CDH20: variants seen among roughly 807,000 people sequenced by gnomAD.
CDH20 encodes the protein cadherin 20, also known as cadherin-20.
CDH20 carries 29 observed loss-of-function variants against 74.2 expected under a neutral mutation model. The ratio of observed to expected loss-of-function variants is 0.39; its 90% CI spans 0.29 to 0.53. The LOEUF (loss-of-function observed/expected upper bound fraction) is 0.53. CDH20 is among the 20% of genes least tolerant of loss of function. CDH20 has a pLI of 0.69. For missense variants in CDH20, 988 were observed against 1,048.3 expected, an observed-to-expected ratio of 0.94 and a Z score of 0.79; for synonymous variants, 469 against 405.4, an observed-to-expected ratio of 1.16 and a Z score of -1.88.
intron 1 of CDH20, among the ~76,000 whole-genome samples, chr18:61,446,630 G>T (rs766481510): frequency 4.6e-5 from 7 of 151,952 alleles, no homozygotes; most frequent in African/African-American, 1.7e-4. Context: ...AGATTAGGAG[G>T]TTCTTCTAAT....
chr18:61,535,118 C>A (rs1912776514), intron 7 of CDH20, among the ~76,000 whole-genome samples: 1 of 152,014 alleles, frequency 6.6e-6, no homozygotes, highest in South Asian at 2.1e-4. Flanking sequence ...GAGTTTGAGA[C>A]CCGACTGGCC....
rs1568182084 is a variant in CDH20 at position 61,538,595 on chromosome 18, T to TTTG, written c.1409-429_1409-428insTTG. On this transcript the variant is annotated intron_variant, in intron 8 of 11. Transcript: ENST00000262717. Reference sequence around the variant, plus strand: ...AATAACTACTTTTTGTTTGTTTGTTTGTTTTTGTTTTTGTTTTTGTTTTTG... The same window carrying TTTG: ...AATAACTACTTTTTGTTTGTTTGTTTTTGGTTTTTGTTTTTGTTTTTGTTTTTG... 9.7e-4 allele frequency among the ~76,000 whole-genome samples: 36 copies of TTTG among 37,214 alleles called. 2 individuals carry two copies. The highest frequency in any genetic ancestry group is 3.4e-3 in the African/African-American group (31 of 9,090). 24.4% of individuals were successfully genotyped at this position (37,214 alleles called of 152,430 possible).
rs745476898 is a variant in CDH20, at chr18:61,554,876, G to A, written c.*181G>A. The A allele has an allele frequency of 2.5e-4, 353 of 1,400,034 alleles. 1 individual carries two copies. Among genetic ancestry groups the A allele is most frequent in the Non-Finnish European group, 3.1e-4 (339 of 1,079,520 alleles). The allele number at this position is 1,400,034 out of a possible 1,614,324, so 86.7% of individuals were successfully genotyped here. A position where few individuals can be genotyped will look rare whatever the true frequency, so the allele number is the denominator to read the frequency against. On this transcript the variant is annotated 3_prime_UTR_variant, in exon 12 of 12. Transcript: ENST00000262717. ...GTAGATTAAGTTAAATAAGCAAAAG[G>A]AAACCCAGAAGGAAGAGGGCAGAAT...
At chr18:61,380,167 G>C (rs185986894) in intron 1 of CDH20, among the ~76,000 whole-genome samples, 1 of 152,142 alleles carries the variant, frequency 6.6e-6, no homozygotes, top group Non-Finnish European at 1.5e-5. Flanking sequence ...GGGGAGGAAG[G>C]CCAATATCCT....
intron 6 of CDH20, among the ~76,000 whole-genome samples, chr18:61,515,224 C>T (rs1342654440): frequency 2.6e-5 from 4 of 152,138 alleles, no homozygotes; most frequent in Non-Finnish European, 4.4e-5. Flanking sequence ...TTAAGCCCGT[C>T]GGAAAAGCGC....
At position 61,550,249 on chromosome 18, in the gene CDH20, C is replaced by T; in HGVS notation, c.1900+20C>T. On this transcript the variant is annotated intron_variant, in intron 11 of 11. Coordinates refer to ENST00000262717, the MANE Select transcript of CDH20 (RefSeq NM_031891.4). ...TCTTAGGTGAGTAAGGGGCTGCTTTCCCTTCTGTGGAGTCCTGCCAGTGCG... is the reference window on the plus strand; with the variant it reads ...TCTTAGGTGAGTAAGGGGCTGCTTTTCCTTCTGTGGAGTCCTGCCAGTGCG... 18 of 1,606,898 alleles carry T rather than the reference C, an allele frequency of 1.1e-5. No homozygotes were observed. The highest frequency in any genetic ancestry group is 1.5e-5 in the Non-Finnish European group (18 of 1,175,152).
At chr18:61,520,559 G>T (rs1354431120) in intron 6 of CDH20, among the ~76,000 whole-genome samples, 2 of 150,552 alleles carry the variant, frequency 1.3e-5, no homozygotes, top group Admixed American at 6.6e-5. Context: ...GGATATTCAG[G>T]ACTTGAACTC....
intron 1 of CDH20, chr18:61,404,797 CT>C (rs71178967): frequency 0.77 from 172,518 of 223,830 alleles, 64,711 homozygotes; most frequent in Admixed American, 0.88. Context: ...AAATTGTCAA[CT>C]TTTTTTTTTT....
intron 9 of CDH20, among the ~76,000 whole-genome samples, chr18:61,542,112 G>A (rs550801): frequency 0.55 from 83,110 of 152,038 alleles, 23,105 homozygotes; most frequent in South Asian, 0.61. Context: ...ATCAAATTAC[G>A]TAGAATCACC....
intron 1 of CDH20, among the ~76,000 whole-genome samples, chr18:61,439,023 G>A (rs768872505): frequency 6.6e-6 from 1 of 152,102 alleles, no homozygotes; most frequent in Non-Finnish European, 1.5e-5. Context: ...AATACTGCAT[G>A]TTCTCACAAG....
chr18:61,554,164 C>T, intron 11 of CDH20, 26 bp from the exon 12 acceptor site: 2 of 1,592,858 alleles, frequency 1.3e-6, no homozygotes, highest in Non-Finnish European at 1.7e-6. Flanking sequence ...CCTCGGTAAA[C>T]ACACTCTCCT....
chr18:61,356,091 G>A (rs1910487324), intron 1 of CDH20, among the ~76,000 whole-genome samples: 1 of 152,200 alleles, frequency 6.6e-6, no homozygotes, highest in South Asian at 2.1e-4. Flanking sequence ...CTACACTCAT[G>A]GACTTGAACC....
At chr18:61,528,446 GACACAC>G (rs1555683467) in intron 7 of CDH20, among the ~76,000 whole-genome samples, 18 of 97,712 alleles carry the variant, frequency 1.8e-4, no homozygotes, top group Non-Finnish European at 2.7e-4. Context: ...AATTGGTTGA[GACACAC>G]ACACACACAC....
At chr18:61,399,657 C>A (rs957625844) in intron 1 of CDH20, among the ~76,000 whole-genome samples, 1 of 152,144 alleles carries the variant, frequency 6.6e-6, no homozygotes, top group Non-Finnish European at 1.5e-5. Context: ...CCACCCCTGC[C>A]TAAAATTACT....
intron 1 of CDH20, among the ~76,000 whole-genome samples, chr18:61,352,607 CTGA>C (rs1910344627): frequency 6.6e-6 from 1 of 152,180 alleles, no homozygotes. Flanking sequence ...TACTGTTTTA[CTGA>C]TGATGATTCT....
chr18:61,459,007 T>C (rs192788576), intron 1 of CDH20, among the ~76,000 whole-genome samples: 1 of 152,312 alleles, frequency 6.6e-6, no homozygotes, highest in African/African-American at 2.4e-5. Flanking sequence ...TTAAGAAACT[T>C]CTTTTTAATA....
chr18:61,531,136 A>G (rs747373212), intron 7 of CDH20, among the ~76,000 whole-genome samples: 5 of 152,250 alleles, frequency 3.3e-5, no homozygotes, highest in Non-Finnish European at 7.3e-5. Flanking sequence ...CAGGGAAACA[A>G]AGGCTATTAT....
intron 1 of CDH20, among the ~76,000 whole-genome samples, chr18:61,440,127 T>C (rs1908979720): frequency 6.6e-6 from 1 of 152,184 alleles, no homozygotes; most frequent in African/African-American, 2.4e-5. Flanking sequence ...CCTCACTCCT[T>C]TGCCTATGAC....
chr18:61,368,998 G>T, intron 1 of CDH20, among the ~76,000 whole-genome samples: 1 of 151,710 alleles, frequency 6.6e-6, no homozygotes, highest in East Asian at 1.9e-4. Flanking sequence ...ATATTTTACC[G>T]AAAATAAGTC....
Sources: gnomAD v4.1 joint callset for allele counts (sites outside exome capture counted in the v4.1 genomes callset) on GRCh38, gnomAD v4.1.1 for gene constraint, MANE v1.5 for transcripts, NCBI Gene and HGNC (gene_info 2026-07-23, HGNC 2026-07-21) for gene names.